TRIM37: variants seen among roughly 807,000 people sequenced by gnomAD.
TRIM37 encodes E3 ubiquitin-protein ligase TRIM37.
A neutral mutation model predicts 129.8 loss-of-function variants in TRIM37; 80 were observed. The observed-to-expected ratio is 0.62, with a 90% CI of 0.51 to 0.74. The LOEUF is 0.74. TRIM37 is among the 30% of genes least tolerant of loss of function. TRIM37 has a pLI of 0.00. For synonymous variants in TRIM37, 389 were observed against 387.1 expected (o/e 1.00, Z -0.06); for missense variants, 1,054 against 1,176.5 (o/e 0.90, Z 1.52).
chr17:59,056,667 TTGTAGTGAGCCGAGATCGCGCCAGGG>T (rs1171385348), intron 13 of TRIM37, among the ~76,000 whole-genome samples, 182 bp downstream of exon 13: 1 of 125,018 alleles, frequency 8.0e-6, no homozygotes, highest in Non-Finnish European at 1.6e-5. Flanking sequence ...GAGGCGGAGC[TTGTAGTGAGCCGAGATCGCGCCAGGG>T]CGACAGAGCG....
At chr17:59,090,523 G>T (rs566972900) in intron 3 of TRIM37, among the ~76,000 whole-genome samples, 1 of 152,116 alleles carries the variant, frequency 6.6e-6, no homozygotes, top group African/African-American at 2.4e-5. Context: ...TGAGAAGACA[G>T]GGTAGGGAGT....
At chr17:58,981,052 G>T, downstream of TRIM37, 2 of 1,511,468 alleles carry the variant, frequency 1.3e-6, no homozygotes, top group South Asian at 2.5e-5. Flanking sequence ...AAGTAGGTTA[G>T]CTAGCTCTCC....
At chr17:59,092,346 C>T (rs2044471701) in intron 2 of TRIM37, among the ~76,000 whole-genome samples, 1 of 151,524 alleles carries the variant, frequency 6.6e-6, no homozygotes, top group Non-Finnish European at 1.5e-5. Flanking sequence ...TTGCAGTGAG[C>T]CGAGATCCTG....
At chr17:59,085,769 C>G (rs1258471137) in intron 4 of TRIM37, among the ~76,000 whole-genome samples, 1 of 152,158 alleles carries the variant, frequency 6.6e-6, no homozygotes, top group African/African-American at 2.4e-5. Flanking sequence ...TTATTCACTA[C>G]AGCCAAAAGG....
In TRIM37 at chr17:58,998,644, T is replaced by TA; in HGVS notation, c.*732dup. 1.0e-6 allele frequency: 1 copy of TA among 985,340 alleles called. No homozygotes were observed. Among genetic ancestry groups the TA allele is most frequent in the African/African-American group, 1.7e-5 (1 of 57,372 alleles). 61.0% of individuals were successfully genotyped at this position (985,340 alleles called of 1,614,324 possible). A position where few individuals can be genotyped will look rare whatever the true frequency, so the allele number is the denominator to read the frequency against. Reference sequence around the variant, plus strand: ...TATTTGTTGCACTACAGTCGTATAGTAAGAGGCAGAAAAAAATGAAAGAAT... The same window carrying TA: ...TATTTGTTGCACTACAGTCGTATAGTAAAGAGGCAGAAAAAAATGAAAGAAT... On this transcript the variant is annotated 3_prime_UTR_variant, in exon 24 of 24. Coordinates refer to ENST00000262294, the MANE Select transcript of TRIM37 (RefSeq NM_015294.6).
chr17:58,993,047 T>G (rs1325806628), intron 24 of TRIM37, among the ~76,000 whole-genome samples: 1 of 151,926 alleles, frequency 6.6e-6, no homozygotes, highest in Non-Finnish European at 1.5e-5. Flanking sequence ...CAGTGGGAGG[T>G]AATTGAATCA....
At position 59,061,148 on chromosome 17, in the gene TRIM37, G is replaced by A. The variant is rs189421976; in HGVS notation, c.943-40C>T. ...ATCAGTTTGAGTGTAAAAAAATTAA[G>A]CCACAATAAAACAAAATGCAGATAA... On this transcript the variant is annotated intron_variant, in intron 11 of 23. Transcript: ENST00000262294. 2.7e-4 allele frequency: 416 copies of A among 1,558,692 alleles called. 1 individual carries two copies. The highest frequency in any genetic ancestry group is 1.8e-3 in the Admixed American group (106 of 59,632).
chr17:59,104,180 T>G, intron 2 of TRIM37, 113 bp downstream of exon 2: 1 of 943,100 alleles, frequency 1.1e-6, no homozygotes. Context: ...CCAAGCACAG[T>G]GCAAGCAAGC....
At chr17:59,106,372 G>A in intron 1 of TRIM37, 69 bp downstream of exon 1, 1 of 1,598,400 alleles carries the variant, frequency 6.3e-7, no homozygotes, top group Non-Finnish European at 8.6e-7. Context: ...ACATGGGCAC[G>A]ACTCCCCGAA....
chr17:58,990,945 T>TG (rs1361979818), intron 24 of TRIM37, among the ~76,000 whole-genome samples: 1 of 150,222 alleles, frequency 6.7e-6, no homozygotes, highest in East Asian at 2.0e-4. Context: ...GAGGCTGAGG[T>TG]GGGCAGATCA....
intron 2 of TRIM37, among the ~76,000 whole-genome samples, chr17:59,103,572 C>T (rs2045719508): frequency 6.6e-6 from 1 of 151,476 alleles, no homozygotes; most frequent in Non-Finnish European, 1.5e-5. Context: ...GAACTCCTGA[C>T]ACCATGATCC....
chr17:59,050,050 C>A (rs1322177448), intron 14 of TRIM37, among the ~76,000 whole-genome samples: 1 of 152,166 alleles, frequency 6.6e-6, no homozygotes, highest in African/African-American at 2.4e-5. Flanking sequence ...CACTCCAAAC[C>A]TCCTGCCACA....
At chr17:59,056,371 C>CA (rs1262671957) in intron 13 of TRIM37, among the ~76,000 whole-genome samples, 5 of 151,810 alleles carry the variant, frequency 3.3e-5, no homozygotes, top group Non-Finnish European at 1.5e-5. Context: ...AACTAGATGT[C>CA]AAAAAAAGTT....
chr17:59,070,020 T>C (rs150414780), intron 9 of TRIM37, among the ~76,000 whole-genome samples: 1,714 of 152,354 alleles, frequency 0.011, 25 homozygotes, highest in Non-Finnish European at 0.014. Flanking sequence ...CAGTATATGG[T>C]ATTTTGTTAT....
At chr17:59,005,112 T>C (rs543584000) in intron 22 of TRIM37, among the ~76,000 whole-genome samples, 1 of 152,188 alleles carries the variant, frequency 6.6e-6, no homozygotes, top group South Asian at 2.1e-4. Flanking sequence ...ACACACTGAG[T>C]TGAACTTCAA....
At chr17:59,088,988 G>A (rs373911244) in intron 3 of TRIM37, among the ~76,000 whole-genome samples, 9 of 152,294 alleles carry the variant, frequency 5.9e-5, no homozygotes, top group East Asian at 3.9e-4. Flanking sequence ...TACTGTTGGC[G>A]TAGTGGCTCG....
At chr17:59,082,040 C>A (rs2043345295) in intron 5 of TRIM37, among the ~76,000 whole-genome samples, 1 of 149,624 alleles carries the variant, frequency 6.7e-6, no homozygotes, top group African/African-American at 2.5e-5. Flanking sequence ...GAGGCTGAGG[C>A]GGGTGGATCA....
chr17:59,080,970 A>T, intron 6 of TRIM37, 127 bp downstream of exon 6: 1 of 432,522 alleles, frequency 2.3e-6, no homozygotes, highest in Non-Finnish European at 3.4e-6. Context: ...GACTATAGGT[A>T]CAGCCTATCA....
chr17:59,047,849 T>A, intron 15 of TRIM37, 30 bp from the exon 16 acceptor site: 1 of 1,612,726 alleles, frequency 6.2e-7, no homozygotes, highest in South Asian at 1.1e-5. Flanking sequence ...ACAAGACGTC[T>A]ATTCCAAATG....
Sources: allele counts gnomAD v4.1 joint callset (sites outside exome capture counted in the v4.1 genomes callset), GRCh38; gene constraint gnomAD v4.1.1; transcripts MANE v1.5; gene names NCBI Gene and HGNC (gene_info 2026-07-23, HGNC 2026-07-21).